MAST2: variants seen among roughly 807,000 people sequenced by gnomAD.
The protein encoded by MAST2 is microtubule associated serine/threonine kinase 2, also known as microtubule-associated serine/threonine-protein kinase 2.
In MAST2, 70 loss-of-function variants were observed where a neutral mutation model predicts 147.4. The ratio of observed to expected loss-of-function variants is 0.47; its 90% CI spans 0.39 to 0.58. The LOEUF is 0.58. MAST2 is among the 20% of genes least tolerant of loss of function. The probability of loss-of-function intolerance (pLI) is 0.00; values close to 1 mark genes in which losing one functional copy is unlikely to be tolerated. For missense variants in MAST2, 2,080 were observed against 2,302.3 expected (o/e 0.90, Z 1.98); for synonymous variants, 869 against 896.8 (o/e 0.97, Z 0.55).
At chr1:45,824,679 G>T in intron 2 of MAST2, 99 bp downstream of exon 2, 1 of 1,270,236 alleles carries the variant, frequency 7.9e-7, no homozygotes, top group Non-Finnish European at 1.1e-6. Context: ...TTCTTCTCTG[G>T]TAGTAGTCTT....
chr1:45,882,468 A>G (rs1173525249), intron 4 of MAST2, 73 bp downstream of exon 4: 4 of 1,181,558 alleles, frequency 3.4e-6, no homozygotes, highest in Admixed American at 1.8e-5. Context: ...ATTTCCCACT[A>G]TCATGTGGAG....
At chr1:45,979,951 C>T (rs1644331647) in intron 5 of MAST2, among the ~76,000 whole-genome samples, 1 of 152,162 alleles carries the variant, frequency 6.6e-6, no homozygotes. Context: ...CATGTTCTCC[C>T]TTATATGTGG....
chr1:45,827,456 C>A (rs778169795), intron 2 of MAST2, among the ~76,000 whole-genome samples: 9 of 152,088 alleles, frequency 5.9e-5, no homozygotes, highest in Non-Finnish European at 1.3e-4. Flanking sequence ...TCTTTCCCAA[C>A]AGGCCTTTAT....
rs1411613753 is a variant in MAST2 at position 46,032,050 on chromosome 1, G to A, written c.3188-128G>A. The A allele has an allele frequency of 4.2e-6, 3 of 722,716 alleles. No homozygotes were observed. The African/African-American group carries it at 5.2e-5, about 13-fold the overall frequency. 44.8% of individuals were successfully genotyped at this position (722,716 alleles called of 1,614,324 possible). On this transcript the variant is annotated intron_variant, in intron 24 of 28. Transcript: ENST00000361297. ...ACGGGAGAGGGCTTCACAGGTCAGG[G>A]GCTGTGGGGAAAATGGACCTAGGCT...
At chr1:45,869,041 A>G (rs1456969349) in intron 3 of MAST2, among the ~76,000 whole-genome samples, 3 of 152,116 alleles carry the variant, frequency 2.0e-5, no homozygotes, top group Admixed American at 1.3e-4. Flanking sequence ...GCCCTGACTC[A>G]TGTATTCCTA....
At chr1:45,815,938 A>G (rs983763364) in intron 1 of MAST2, among the ~76,000 whole-genome samples, 4 of 152,230 alleles carry the variant, frequency 2.6e-5, no homozygotes, top group Non-Finnish European at 4.4e-5. Flanking sequence ...ACATCTAACT[A>G]GTCCCTGCCA....
chr1:45,919,684 A>G (rs1653136438), intron 4 of MAST2, among the ~76,000 whole-genome samples: 1 of 152,208 alleles, frequency 6.6e-6, no homozygotes, highest in South Asian at 2.1e-4. Flanking sequence ...AGCCCCCAAG[A>G]TGTACCCAGT....
chr1:45,905,521 A>G (rs1650548013), intron 4 of MAST2, among the ~76,000 whole-genome samples: 1 of 152,136 alleles, frequency 6.6e-6, no homozygotes, highest in East Asian at 1.9e-4. Context: ...GCTCACGCCT[A>G]TAATCTCAGC....
intron 5 of MAST2, among the ~76,000 whole-genome samples, chr1:45,971,084 T>C (rs912390595): frequency 1.3e-5 from 2 of 152,330 alleles, no homozygotes; most frequent in East Asian, 1.9e-4. Flanking sequence ...CTAACTTCCA[T>C]AGGCTACCAT....
At chr1:45,825,427 C>G (rs970632019) in intron 2 of MAST2, among the ~76,000 whole-genome samples, 3 of 151,184 alleles carry the variant, frequency 2.0e-5, no homozygotes, top group Non-Finnish European at 4.4e-5. Flanking sequence ...TAAAAGGATG[C>G]GATTATCTTC....
At chr1:45,986,933 A>G (rs1466948788) in intron 5 of MAST2, among the ~76,000 whole-genome samples, 1 of 152,050 alleles carries the variant, frequency 6.6e-6, no homozygotes, top group Non-Finnish European at 1.5e-5. Flanking sequence ...AATTTTCTGG[A>G]AGTGTGTAGA....
At chr1:45,885,737 A>G (rs1376188425) in intron 4 of MAST2, among the ~76,000 whole-genome samples, 3 of 152,146 alleles carry the variant, frequency 2.0e-5, no homozygotes, top group Admixed American at 6.6e-5. Context: ...CCATCATACT[A>G]TATTATTTTA....
At chr1:45,878,417 ATC>A (rs1310291994) in intron 3 of MAST2, among the ~76,000 whole-genome samples, 1 of 152,174 alleles carries the variant, frequency 6.6e-6, no homozygotes, top group African/African-American at 2.4e-5. Flanking sequence ...ATAAAAAGTT[ATC>A]CATGAAAAAC....
At chr1:45,955,099 G>A (rs960523379) in intron 4 of MAST2, among the ~76,000 whole-genome samples, 7 of 152,142 alleles carry the variant, frequency 4.6e-5, no homozygotes, top group African/African-American at 1.7e-4. Flanking sequence ...GAGGAGTGCA[G>A]CAGTACACAA....
At chr1:45,934,870 A>G (rs987406860) in intron 4 of MAST2, among the ~76,000 whole-genome samples, 1 of 152,236 alleles carries the variant, frequency 6.6e-6, no homozygotes, top group Non-Finnish European at 1.5e-5. Context: ...ATGTGAGTGC[A>G]TATGTCTTTT....
intron 5 of MAST2, among the ~76,000 whole-genome samples, chr1:45,988,135 C>G (rs1205132337): frequency 6.6e-6 from 1 of 152,074 alleles, no homozygotes; most frequent in East Asian, 1.9e-4. Context: ...GCCTCATCCT[C>G]CTAAGTAGCT....
chr1:46,034,692 C>T lies in MAST2; in HGVS notation c.4023C>T (p.Ile1341=), dbSNP rs372149503. 5 of 1,614,064 alleles carry T rather than the reference C, an allele frequency of 3.1e-6. No homozygotes were observed. Among genetic ancestry groups the T allele is most frequent in the Non-Finnish European group, 3.4e-6 (4 of 1,180,034 alleles). The change falls in exon 29 of 29, where the codon ATC becomes ATT. Residue 1341 remains isoleucine, a synonymous_variant. Transcript: ENST00000361297. ...CACGGCGCAAGTCAGCAGGCAGCAT[C>T]CCACTGTCACCACTGGCCCACACCC... The part of the protein sequence containing the change: ...RSPRRKSAGS[I]PLSPLAHTPS...
intron 1 of MAST2, among the ~76,000 whole-genome samples, chr1:45,811,477 T>C (rs1570164338): frequency 6.6e-6 from 1 of 151,512 alleles, no homozygotes; most frequent in Middle Eastern, 3.4e-3. Flanking sequence ...TAGCTGGGAC[T>C]ACAGGCGCCC....
In MAST2 at chr1:45,841,389, G is replaced by A. The variant is rs536796103; in HGVS notation, c.468+11808G>A. 2.6e-5 allele frequency among the ~76,000 whole-genome samples: 4 copies of A among 151,740 alleles called. No homozygotes were observed. The East Asian group carries it at 7.7e-4, about 29-fold the overall frequency. On this transcript the variant is annotated intron_variant, in intron 3 of 28. Transcript: ENST00000361297. ...ACTTCAAATAGTTATTAGTAGCTGT[G>A]ATACAGTAAGAAATATTGTGTATAT...
Sources: allele counts gnomAD v4.1 joint callset (sites outside exome capture counted in the v4.1 genomes callset), GRCh38; gene constraint gnomAD v4.1.1; transcripts MANE v1.5; gene names NCBI Gene and HGNC (gene_info 2026-07-23, HGNC 2026-07-21).